NBN: variants seen among roughly 807,000 people sequenced by gnomAD.
NBN encodes nibrin.
A neutral mutation model predicts 90.8 loss-of-function variants in NBN; 88 were observed. The observed-to-expected ratio is 0.97, with a 90% CI of 0.82 to 1.16. The LOEUF (loss-of-function observed/expected upper bound fraction) is 1.16. Among genes scored for constraint, NBN ranks in the 50% most tolerant of loss-of-function variants. The probability of loss-of-function intolerance (pLI) is 0.00; values close to 1 mark genes in which losing one functional copy is unlikely to be tolerated. For missense variants in NBN, 894 were observed against 869.6 expected (o/e 1.03, Z -0.35); for synonymous variants, 328 against 295.1 (o/e 1.11, Z -1.14).
Position 89,943,331 on chromosome 8 carries a change from G to T in NBN, c.2106C>A (p.Ile702=), listed in dbSNP as rs1398694666. 1.9e-6 allele frequency: 3 copies of T among 1,610,562 alleles called. No homozygotes were observed. In the African/African-American group the frequency reaches 4.0e-5, roughly 22 times the overall value. The change falls in exon 14 of 16, where the codon ATC becomes ATA. Residue 702 remains isoleucine (I), a synonymous_variant. Transcript: ENST00000265433. ...TYPGAGKLPH[I]IGGSDLIAHH... is the part of the protein sequence containing the mutation. ...GAGCTATTAGATCTGATCCTCCAAT[G>T]ATGTGTGGAAGTTTTCCTGCTCCAG...
At chr8:89,958,995 A>G (rs1810868517) in intron 8 of NBN, 141 bp from the exon 9 acceptor site, 1 of 1,088,904 alleles carries the variant, frequency 9.2e-7, no homozygotes, top group Non-Finnish European at 1.4e-6. Flanking sequence ...AATGAGTGGT[A>G]CCAACAAACA....
rs543830385 is a variant in NBN, at chr8:89,939,699, T to C, written c.2185-2624A>G. 1.5e-3 allele frequency among the ~76,000 whole-genome samples: 226 copies of C among 152,264 alleles called. 1 individual carries two copies. The highest frequency in any genetic ancestry group is 0.014 in the Middle Eastern group (4 of 294). ...AGGATTCTTACTAATGCCCCAAATT[T>C]GGGGAAAAGGTAACCTGAACAGGGA... is the stretch of plus-strand genomic sequence containing the variant. On this transcript the variant is annotated intron_variant, in intron 14 of 15. Coordinates refer to ENST00000265433, the MANE Select transcript of NBN (RefSeq NM_002485.5).
intron 14 of NBN, among the ~76,000 whole-genome samples, chr8:89,937,575 A>G (rs559653985): frequency 6.6e-6 from 1 of 152,220 alleles, no homozygotes; most frequent in East Asian, 1.9e-4. Context: ...CTTCTACAGC[A>G]CCTTACAGAG....
At position 89,935,266 on chromosome 8, in the gene NBN, T is replaced by C. The variant is rs13312976; in HGVS notation, c.*316A>G. The stretch of plus-strand genomic sequence containing the variant: ...TTTTTTCTGAGGGGAACCAAGTAGC[T>C]AGGACAATGGTGGAAGGGTGACTTT... On this transcript the variant is annotated 3_prime_UTR_variant, in exon 16 of 16. Coordinates refer to ENST00000265433, the MANE Select transcript of NBN (RefSeq NM_002485.5). The C allele has an allele frequency of 5.8e-3, 1,860 of 319,556 alleles. 32 individuals are homozygous for C. Among genetic ancestry groups the C allele is most frequent in the African/African-American group, 0.037 (1,739 of 46,932 alleles). The allele number at this position is 319,556 out of a possible 1,614,324, so 19.8% of individuals were successfully genotyped here.
rs1554558484 is a variant in NBN, at chr8:89,953,595, G to A, written c.1494C>T (p.Pro498=). The A allele has an allele frequency of 6.2e-7, 1 of 1,613,360 alleles. No individual in the cohort carries two copies. ...SLLEQTQPAT[P]SLWKNKEQHL... ...GCTGCTCCTTATTTTTCCACAATGA[G>A]GGTGTAGCAGGTTGTGTTTGTTCTA... The change falls in exon 11 of 16, where the codon CCC becomes CCT. Residue 498 remains proline (P), a synonymous_variant. Coordinates refer to ENST00000265433, the MANE Select transcript of NBN (RefSeq NM_002485.5).
intron 9 of NBN, 132 bp downstream of exon 9, chr8:89,958,593 A>G: frequency 8.8e-7 from 1 of 1,135,924 alleles, no homozygotes; most frequent in South Asian, 1.3e-5. Context: ...CTAAGATATC[A>G]TTTTCCCTGG....
rs13312977 is a variant in NBN, at chr8:89,935,232, A to G, written c.*350T>C. On this transcript the variant is annotated 3_prime_UTR_variant, in exon 16 of 16. Coordinates refer to ENST00000265433, the MANE Select transcript of NBN (RefSeq NM_002485.5). Reference sequence around the variant, plus strand: ...CTGGAAAGATTCATAAGAAATGAGTATCATGAATTTTTTTCTGAGGGGAAC... The same window carrying G: ...CTGGAAAGATTCATAAGAAATGAGTGTCATGAATTTTTTTCTGAGGGGAAC... 384 of 287,620 alleles carry G rather than the reference A, an allele frequency of 1.3e-3. No homozygotes were observed. The highest frequency in any genetic ancestry group is 7.3e-3 in the African/African-American group (337 of 46,288). 17.8% of individuals were successfully genotyped at this position (287,620 alleles called of 1,614,324 possible).
chr8:89,984,456 C>G (rs932490847), intron 1 of NBN, 69 bp downstream of exon 1: 41 of 1,460,610 alleles, frequency 2.8e-5, no homozygotes, highest in Non-Finnish European at 3.9e-5. Flanking sequence ...GCAGGAATCA[C>G]CCGCAGGCCC....
intron 5 of NBN, among the ~76,000 whole-genome samples, chr8:89,972,667 A>C (rs893898437): frequency 6.6e-6 from 1 of 152,214 alleles, no homozygotes; most frequent in South Asian, 2.1e-4. Context: ...CCCATAACTT[A>C]TACTTCTTTC....
chr8:89,976,050 G>A (rs900647227), intron 5 of NBN, among the ~76,000 whole-genome samples: 1 of 152,122 alleles, frequency 6.6e-6, no homozygotes, highest in Non-Finnish European at 1.5e-5. Context: ...GGAGTGCAGA[G>A]GTGGGATCTC....
chr8:89,966,907 G>C (rs889851360), intron 7 of NBN, among the ~76,000 whole-genome samples: 1 of 152,076 alleles, frequency 6.6e-6, no homozygotes, highest in Non-Finnish European at 1.5e-5. Flanking sequence ...TTCCAGATAA[G>C]TTAAAAACAA....
chr8:89,941,627 C>A (rs1326963679), intron 14 of NBN, among the ~76,000 whole-genome samples: 4 of 152,144 alleles, frequency 2.6e-5, no homozygotes, highest in Admixed American at 6.5e-5. Context: ...TCTGTCCCTG[C>A]CTCTCACTAC....
At chr8:89,964,604 C>G in intron 7 of NBN, 97 bp from the exon 8 acceptor site, 4 of 1,236,244 alleles carry the variant, frequency 3.2e-6, no homozygotes, top group Non-Finnish European at 3.4e-6. Context: ...TTTTTCCTCC[C>G]AAATAATTTT....
chr8:89,975,379 G>A (rs987193441), intron 5 of NBN, among the ~76,000 whole-genome samples: 4 of 152,204 alleles, frequency 2.6e-5, no homozygotes, highest in South Asian at 2.1e-4. Context: ...TATCCTTTTC[G>A]TAACCCATTC....
At chr8:89,952,399 A>T (rs2129690541) in intron 11 of NBN, among the ~76,000 whole-genome samples, 1 of 152,278 alleles carries the variant, frequency 6.6e-6, no homozygotes, top group Non-Finnish European at 1.5e-5. Context: ...CACTCAGAAG[A>T]AGTAACAAAT....
chr8:89,962,723 C>A (rs1287400059), intron 8 of NBN, among the ~76,000 whole-genome samples: 2 of 152,166 alleles, frequency 1.3e-5, no homozygotes, highest in Non-Finnish European at 2.9e-5. Flanking sequence ...TACCTATGTA[C>A]AGACACAAAC....
intron 15 of NBN, among the ~76,000 whole-genome samples, chr8:89,935,821 A>C (rs1042590663): frequency 1.3e-5 from 2 of 152,116 alleles, no homozygotes; most frequent in Non-Finnish European, 2.9e-5. Flanking sequence ...AAACAAAAAA[A>C]AAATCAACAA....
Position 89,961,696 on chromosome 8 carries a change from G to A in NBN, c.994+2714C>T, listed in dbSNP as rs1466904290. Among the ~76,000 whole-genome samples, 14 of 152,280 alleles carry A rather than the reference G, an allele frequency of 9.2e-5. No individual in the cohort carries two copies. In the East Asian group the frequency reaches 1.9e-3, roughly 21 times the overall value. On this transcript the variant is annotated intron_variant, in intron 8 of 15. Coordinates refer to ENST00000265433, the MANE Select transcript of NBN (RefSeq NM_002485.5). ...AAAAAGGCGAGGTCGGGAGGAGGAA[G>A]GCTGCAGCTAAACTACTGAGGACTC...
intron 8 of NBN, among the ~76,000 whole-genome samples, chr8:89,962,594 T>C (rs1811042504): frequency 6.6e-6 from 1 of 152,194 alleles, no homozygotes; most frequent in Non-Finnish European, 1.5e-5. Flanking sequence ...GCTTTTTACT[T>C]TATGGATGAA....
Sources: allele counts gnomAD v4.1 joint callset (sites outside exome capture counted in the v4.1 genomes callset), GRCh38; gene constraint gnomAD v4.1.1; transcripts MANE v1.5; gene names NCBI Gene and HGNC (gene_info 2026-07-23, HGNC 2026-07-21).